PTPRM: variants seen among roughly 807,000 people sequenced by gnomAD.
PTPRM encodes the protein receptor-type tyrosine-protein phosphatase mu.
PTPRM carries 47 observed loss-of-function variants against 186.7 expected under a neutral mutation model. The observed-to-expected ratio is 0.25, with a 90% CI of 0.20 to 0.32. PTPRM has a LOEUF of 0.32. Among genes scored for constraint, PTPRM ranks in the 10% least tolerant of loss-of-function variants. The pLI is 1.00. For synonymous variants in PTPRM, 668 were observed against 674.9 expected (o/e 0.99, Z 0.16); for missense variants, 1,494 against 1,865.0 (o/e 0.80, Z 3.66).
intron 17 of PTPRM, chr18:8,248,433 T>C: frequency 5.5e-6 from 3 of 546,136 alleles, no homozygotes; most frequent in East Asian, 3.4e-5. Context: ...TCAGCCCCAA[T>C]ATTCTCCCTT....
intron 1 of PTPRM, among the ~76,000 whole-genome samples, chr18:7,689,299 G>T (rs1424551509): frequency 6.6e-6 from 1 of 152,190 alleles, no homozygotes; most frequent in African/African-American, 2.4e-5. Context: ...TGAGTTCTAG[G>T]CAGTGTCATC....
intron 2 of PTPRM, among the ~76,000 whole-genome samples, chr18:7,849,104 G>A (rs1228188364): frequency 6.6e-6 from 1 of 151,940 alleles, no homozygotes; most frequent in African/African-American, 2.4e-5. Flanking sequence ...AATTTTTTTT[G>A]GTAGAATATA....
intron 20 of PTPRM, among the ~76,000 whole-genome samples, chr18:8,305,868 A>G (rs2095215949): frequency 6.6e-6 from 1 of 151,948 alleles, no homozygotes; most frequent in Non-Finnish European, 1.5e-5. Context: ...AACTTCAACA[A>G]AGATGTTGCT....
At chr18:8,245,375 T>G (rs2094468218) in intron 15 of PTPRM, among the ~76,000 whole-genome samples, 1 of 152,168 alleles carries the variant, frequency 6.6e-6, no homozygotes, top group African/African-American at 2.4e-5. Context: ...GGTGCTGCTT[T>G]GGCACCAATG....
At chr18:7,816,769 A>G (rs1483812082) in intron 2 of PTPRM, among the ~76,000 whole-genome samples, 1 of 152,192 alleles carries the variant, frequency 6.6e-6, no homozygotes, top group Non-Finnish European at 1.5e-5. Flanking sequence ...ACTTTACAAA[A>G]GTCTCATTAC....
intron 3 of PTPRM, among the ~76,000 whole-genome samples, chr18:7,895,821 G>A (rs1337893176): frequency 6.6e-6 from 1 of 152,090 alleles, no homozygotes; most frequent in Non-Finnish European, 1.5e-5. Flanking sequence ...GGTCTTTTGG[G>A]GCATCTCTTA....
intron 1 of PTPRM, among the ~76,000 whole-genome samples, chr18:7,607,396 C>T (rs989402095): frequency 1.6e-4 from 15 of 95,202 alleles, no homozygotes; most frequent in African/African-American, 6.1e-4. Flanking sequence ...CGAGTTGTCT[C>T]TTCTGCACAT....
At chr18:8,388,640 C>CT (rs1359530282) in intron 31 of PTPRM, among the ~76,000 whole-genome samples, 1 of 152,182 alleles carries the variant, frequency 6.6e-6, no homozygotes, top group Non-Finnish European at 1.5e-5. Flanking sequence ...GTCATCCCCC[C>CT]TTTCTTCTCA....
At chr18:8,066,382 G>T (rs113529975) in intron 7 of PTPRM, among the ~76,000 whole-genome samples, 4 of 152,030 alleles carry the variant, frequency 2.6e-5, no homozygotes, top group African/African-American at 9.7e-5. Flanking sequence ...TTAACTTTGC[G>T]TTTGGACCCT....
At chr18:7,624,972 G>A (rs2144015520) in intron 1 of PTPRM, among the ~76,000 whole-genome samples, 1 of 152,268 alleles carries the variant, frequency 6.6e-6, no homozygotes, top group South Asian at 2.1e-4. Context: ...GAGTAACCAG[G>A]CACATTCCCT....
intron 7 of PTPRM, among the ~76,000 whole-genome samples, chr18:8,065,696 A>G (rs1156259413): frequency 6.6e-6 from 1 of 152,242 alleles, no homozygotes; most frequent in African/African-American, 2.4e-5. Context: ...TTGTGAGGAA[A>G]GAGGACAAAT....
At chr18:7,798,915 A>G (rs531415822) in intron 2 of PTPRM, among the ~76,000 whole-genome samples, 14 of 152,290 alleles carry the variant, frequency 9.2e-5, no homozygotes, top group African/African-American at 3.4e-4. Context: ...TCCATTGCTT[A>G]ATTTGTCCAT....
intron 1 of PTPRM, among the ~76,000 whole-genome samples, chr18:7,612,518 T>C (rs982724478): frequency 2.6e-5 from 4 of 152,312 alleles, no homozygotes; most frequent in East Asian, 1.9e-4. Flanking sequence ...ACGATTCACT[T>C]TGATTTTATC....
At chr18:7,885,489 C>G (rs756548442) in intron 2 of PTPRM, among the ~76,000 whole-genome samples, 1 of 152,152 alleles carries the variant, frequency 6.6e-6, no homozygotes, top group Non-Finnish European at 1.5e-5. Context: ...TTTGAGAGGA[C>G]AGTTGCCCCT....
At chr18:8,053,580 T>A (rs1041839649) in intron 7 of PTPRM, among the ~76,000 whole-genome samples, 3 of 152,212 alleles carry the variant, frequency 2.0e-5, no homozygotes, top group Non-Finnish European at 4.4e-5. Context: ...ACTCTTGGCA[T>A]CTGATAGAAC....
At chr18:8,267,958 A>G (rs2147585623) in intron 19 of PTPRM, among the ~76,000 whole-genome samples, 1 of 152,240 alleles carries the variant, frequency 6.6e-6, no homozygotes, top group Middle Eastern at 3.4e-3. Context: ...CCACTAGAGT[A>G]TTATTATTTG....
intron 6 of PTPRM, among the ~76,000 whole-genome samples, chr18:7,953,146 G>A (rs906109770): frequency 5.9e-5 from 9 of 152,162 alleles, no homozygotes; most frequent in African/African-American, 2.2e-4. Context: ...TTTTCTTAAT[G>A]GAGAATTAAA....
At chr18:8,056,365 A>G (rs1357710145) in intron 7 of PTPRM, among the ~76,000 whole-genome samples, 1 of 152,208 alleles carries the variant, frequency 6.6e-6, no homozygotes, top group Non-Finnish European at 1.5e-5. Context: ...GCAGTGGCTC[A>G]TGCCTGTAAT....
intron 1 of PTPRM, among the ~76,000 whole-genome samples, chr18:7,753,359 A>T (rs1333801824): frequency 6.6e-6 from 1 of 152,146 alleles, no homozygotes; most frequent in Non-Finnish European, 1.5e-5. Flanking sequence ...TTTATTTTCT[A>T]CATTTTAAGA....
Sources: gnomAD v4.1 joint callset for allele counts (sites outside exome capture counted in the v4.1 genomes callset) on GRCh38, gnomAD v4.1.1 for gene constraint, MANE v1.5 for transcripts, NCBI Gene and HGNC (gene_info 2026-07-23, HGNC 2026-07-21) for gene names.